Variants in CACNA2D1 observed in about 807,000 individuals in gnomAD.
CACNA2D1 encodes voltage-dependent calcium channel subunit alpha-2/delta-1.
A neutral mutation model predicts 171.5 loss-of-function variants in CACNA2D1; 53 were observed. The ratio of observed to expected loss-of-function variants is 0.31; its 90% confidence interval spans 0.25 to 0.39. The LOEUF (loss-of-function observed/expected upper bound fraction) is 0.39, where lower values mean the gene tolerates loss of function less well. Among genes scored for constraint, CACNA2D1 ranks in the 10% least tolerant of loss-of-function variants. The pLI is 1.00. For missense variants in CACNA2D1, 903 were observed against 1,299.8 expected, an observed-to-expected ratio of 0.69 and a Z score of 4.69; for synonymous variants, 442 against 443.1, an observed-to-expected ratio of 1.00 and a Z score of 0.03.
chr7:81,974,603 G>A (rs1795634405), intron 24 of CACNA2D1, 51 bp from the exon 25 acceptor site: 2 of 970,004 alleles, frequency 2.1e-6, no homozygotes, highest in South Asian at 2.8e-5. Context: ...AAACTTTACA[G>A]GGTAATTAAA....
At chr7:82,146,640 C>T (rs1043959181) in intron 4 of CACNA2D1, among the ~76,000 whole-genome samples, 9 of 150,722 alleles carry the variant, frequency 6.0e-5, no homozygotes, top group African/African-American at 2.0e-4. Context: ...GTATGAAGTG[C>T]TACTGAAAGG....
chr7:82,092,615 C>T (rs1313387464), intron 6 of CACNA2D1, among the ~76,000 whole-genome samples: 1 of 144,696 alleles, frequency 6.9e-6, no homozygotes, highest in Non-Finnish European at 1.5e-5. Context: ...GGATGGTCTC[C>T]ATCTCCTCAC....
chr7:81,957,606 T>C (rs1562773958), intron 38 of CACNA2D1, among the ~76,000 whole-genome samples: 1 of 151,986 alleles, frequency 6.6e-6, no homozygotes, highest in Non-Finnish European at 1.5e-5. Context: ...ACAGAAGACA[T>C]ACAAGATGAG....
At chr7:82,327,697 A>C (rs977928512) in intron 3 of CACNA2D1, among the ~76,000 whole-genome samples, 1 of 152,170 alleles carries the variant, frequency 6.6e-6, no homozygotes, top group African/African-American at 2.4e-5. Context: ...TCATCTTGAC[A>C]CTTCTTAGCA....
Position 81,950,216 on chromosome 7 carries a change from CCT to C in CACNA2D1, c.*174_*175del, listed in dbSNP as rs555987555. The stretch of plus-strand genomic sequence containing the variant: ...TCACACACGTTTAAGGATCTGACAC[CCT>C]GACATGCAGCCAGTGGGTGCCTTAG... On this transcript the variant is annotated 3_prime_UTR_variant, in exon 39 of 39. Transcript: ENST00000356860. 4.3e-5 allele frequency: 47 copies of C among 1,088,008 alleles called. No individual in the cohort carries two copies. The South Asian group carries it at 6.4e-4, about 15-fold the overall frequency. The allele number at this position is 1,088,008 out of a possible 1,614,324, so 67.4% of individuals were successfully genotyped here. A position where few individuals can be genotyped will look rare whatever the true frequency, so the allele number is the denominator to read the frequency against.
chr7:81,996,818 T>G (rs1380445090), intron 19 of CACNA2D1, among the ~76,000 whole-genome samples: 1 of 151,974 alleles, frequency 6.6e-6, no homozygotes, highest in African/African-American at 2.4e-5. Flanking sequence ...TCTTATGTGT[T>G]TGGGTGGTTG....
At chr7:82,227,183 C>T (rs1411642219) in intron 3 of CACNA2D1, among the ~76,000 whole-genome samples, 2 of 152,034 alleles carry the variant, frequency 1.3e-5, no homozygotes, top group African/African-American at 4.8e-5. Context: ...TCAAATTTAT[C>T]CATTCTCAAT....
intron 1 of CACNA2D1, among the ~76,000 whole-genome samples, chr7:82,433,800 T>C (rs1045222482): frequency 6.6e-6 from 1 of 152,158 alleles, no homozygotes; most frequent in Non-Finnish European, 1.5e-5. Flanking sequence ...CTATCCAGGG[T>C]AATAGCAACT....
intron 3 of CACNA2D1, among the ~76,000 whole-genome samples, chr7:82,190,584 C>G (rs1176609268): frequency 1.3e-5 from 2 of 151,690 alleles, no homozygotes; most frequent in Non-Finnish European, 3.0e-5. Flanking sequence ...ACCACCCTTA[C>G]CCATCATCCA....
intron 3 of CACNA2D1, among the ~76,000 whole-genome samples, chr7:82,265,151 G>A (rs573547728): frequency 6.6e-6 from 1 of 152,310 alleles, no homozygotes; most frequent in East Asian, 1.9e-4. Flanking sequence ...AGCTGGCCAA[G>A]GTAGATCTGA....
intron 12 of CACNA2D1, among the ~76,000 whole-genome samples, chr7:82,024,483 T>C (rs1472546703): frequency 6.6e-6 from 1 of 151,784 alleles, no homozygotes; most frequent in Non-Finnish European, 1.5e-5. Context: ...CATTTTTCAA[T>C]TGGGTTATTA....
intron 7 of CACNA2D1, among the ~76,000 whole-genome samples, chr7:82,082,375 G>C (rs751902117): frequency 6.6e-6 from 1 of 151,980 alleles, no homozygotes; most frequent in East Asian, 1.9e-4. Context: ...GGAATGTATG[G>C]GTCATCCCTC....
intron 3 of CACNA2D1, among the ~76,000 whole-genome samples, chr7:82,287,664 C>T (rs550267202): frequency 2.0e-4 from 30 of 152,202 alleles, no homozygotes; most frequent in Admixed American, 4.6e-4. Flanking sequence ...TAGTATGATT[C>T]CTTAATGATT....
At chr7:82,217,406 T>TATATATATATATATATATAA (rs1801258036) in intron 3 of CACNA2D1, among the ~76,000 whole-genome samples, 1 of 73,406 alleles carries the variant, frequency 1.4e-5, no homozygotes, top group Non-Finnish European at 3.3e-5. Flanking sequence ...TATATATATA[T>TATATATATATATATATATAA]ATATATATAT....
intron 3 of CACNA2D1, among the ~76,000 whole-genome samples, chr7:82,183,625 T>TA (rs1436409587): frequency 1.3e-5 from 2 of 152,124 alleles, no homozygotes; most frequent in African/African-American, 2.4e-5. Context: ...GGAATTTTTA[T>TA]AAAAAATTGA....
chr7:82,431,360 C>T (rs560469936), intron 1 of CACNA2D1, among the ~76,000 whole-genome samples: 1 of 152,268 alleles, frequency 6.6e-6, no homozygotes, highest in Non-Finnish European at 1.5e-5. Context: ...TTAAACAGTC[C>T]TTCAAAGTTC....
intron 3 of CACNA2D1, among the ~76,000 whole-genome samples, chr7:82,210,170 TTAA>T (rs543121380): frequency 1.1e-4 from 17 of 152,170 alleles, no homozygotes; most frequent in Non-Finnish European, 2.2e-4. Flanking sequence ...TTGAGGGTAA[TTAA>T]TAATAAGTTC....
chr7:82,402,882 G>A (rs1826599276), intron 1 of CACNA2D1, among the ~76,000 whole-genome samples: 1 of 151,894 alleles, frequency 6.6e-6, no homozygotes, highest in African/African-American at 2.4e-5. Flanking sequence ...AGATCATTGG[G>A]GTTGGGAGGC....
intron 3 of CACNA2D1, among the ~76,000 whole-genome samples, chr7:82,236,523 G>A (rs1234847642): frequency 6.6e-6 from 1 of 152,068 alleles, no homozygotes; most frequent in Non-Finnish European, 1.5e-5. Flanking sequence ...CCCTGTGATA[G>A]TGCTATTTCT....
Sources: allele counts gnomAD v4.1 joint callset (sites outside exome capture counted in the v4.1 genomes callset), GRCh38; gene constraint gnomAD v4.1.1; transcripts MANE v1.5; gene names NCBI Gene and HGNC (gene_info 2026-07-23, HGNC 2026-07-21).